The following BFAR variants were observed in gnomAD, a reference collection of about 807,000 sequenced individuals.
BFAR encodes RING finger protein 47.
BFAR carries 52 observed loss-of-function variants against 54.4 expected under a neutral mutation model. The ratio of observed to expected loss-of-function variants is 0.96; its 90% confidence interval spans 0.77 to 1.21. The LOEUF (loss-of-function observed/expected upper bound fraction) is 1.21, where lower values mean the gene tolerates loss of function less well. BFAR is among the 50% of genes most tolerant of loss of function. BFAR has a pLI of 0.00. For synonymous variants in BFAR, 215 were observed against 204.3 expected, an observed-to-expected ratio of 1.05 and a Z score of -0.45; for missense variants, 571 against 534.0, an observed-to-expected ratio of 1.07 and a Z score of -0.68.
chr16:14,657,537 C>G (rs980752358), intron 5 of BFAR, among the ~76,000 whole-genome samples: 1 of 150,012 alleles, frequency 6.7e-6, no homozygotes, highest in Non-Finnish European at 1.5e-5. Context: ...TGTGAGCCAC[C>G]GCGCCTGACC....
At chr16:14,638,805 C>T (rs1959532420) in intron 1 of BFAR, among the ~76,000 whole-genome samples, 2 of 152,036 alleles carry the variant, frequency 1.3e-5, no homozygotes, top group African/African-American at 4.8e-5. Context: ...ATTAGCCAGG[C>T]ATGGTGCTGG....
chr16:14,661,825 G>A, intron 5 of BFAR, 67 bp from the exon 6 acceptor site: 1 of 1,549,222 alleles, frequency 6.5e-7, no homozygotes, highest in South Asian at 1.1e-5. Flanking sequence ...CGAGAGATGG[G>A]AAGGAGCGTG....
At chr16:14,635,882 G>T (rs571618666) in intron 1 of BFAR, among the ~76,000 whole-genome samples, 4 of 151,840 alleles carry the variant, frequency 2.6e-5, no homozygotes, top group African/African-American at 9.7e-5. Context: ...CACCCGCCTC[G>T]GCCTCCCAAA....
chr16:14,633,734 C>G (rs1459226228), intron 1 of BFAR, among the ~76,000 whole-genome samples: 1 of 152,198 alleles, frequency 6.6e-6, no homozygotes, highest in African/African-American at 2.4e-5. Flanking sequence ...CTCACTGCAA[C>G]CTCCGCCTCC....
chr16:14,651,753 T>G (rs772886025), intron 4 of BFAR, among the ~76,000 whole-genome samples: 14 of 151,968 alleles, frequency 9.2e-5, no homozygotes, highest in Non-Finnish European at 1.9e-4. Context: ...ATGTTGTGAT[T>G]ATAGGCATGA....
intron 1 of BFAR, among the ~76,000 whole-genome samples, chr16:14,641,095 GTTT>G (rs1959610454): frequency 6.6e-6 from 1 of 152,152 alleles, no homozygotes; most frequent in Non-Finnish European, 1.5e-5. Flanking sequence ...CTTCCCATTC[GTTT>G]TTGAACTAAG....
chr16:14,658,307 T>C (rs1960186016), intron 5 of BFAR, among the ~76,000 whole-genome samples: 1 of 152,140 alleles, frequency 6.6e-6, no homozygotes, highest in Non-Finnish European at 1.5e-5. Context: ...CACCCCACCC[T>C]AATCTTATTA....
At chr16:14,641,231 C>G (rs1446290794) in intron 1 of BFAR, among the ~76,000 whole-genome samples, 1 of 152,152 alleles carries the variant, frequency 6.6e-6, no homozygotes, top group African/African-American at 2.4e-5. Flanking sequence ...GAATGATTCT[C>G]CTCCCCGCAA....
At chr16:14,644,645 C>T (rs1396345663) in intron 2 of BFAR, 36 bp downstream of exon 2, 1 of 1,569,850 alleles carries the variant, frequency 6.4e-7, no homozygotes, top group Admixed American at 1.8e-5. Flanking sequence ...ACAAACAGCC[C>T]ATAAAATGTG....
chr16:14,639,292 C>T (rs1959549663), intron 1 of BFAR, among the ~76,000 whole-genome samples: 1 of 152,038 alleles, frequency 6.6e-6, no homozygotes, highest in Non-Finnish European at 1.5e-5. Context: ...ATCCCAGCAC[C>T]CCAGAACTAA....
intron 5 of BFAR, among the ~76,000 whole-genome samples, chr16:14,658,301 C>T (rs1175071995): frequency 6.6e-6 from 1 of 152,022 alleles, no homozygotes; most frequent in African/African-American, 2.4e-5. Context: ...GGTGGTCACC[C>T]CACCCTAATC....
chr16:14,655,353 T>C (rs1960100325), intron 5 of BFAR, 143 bp downstream of exon 5: 1 of 778,690 alleles, frequency 1.3e-6, no homozygotes, highest in Non-Finnish European at 1.7e-6. Flanking sequence ...ACAGAGTCCT[T>C]CTCTGTCGCC....
chr16:14,658,796 C>T (rs1596989076), intron 5 of BFAR, among the ~76,000 whole-genome samples: 2 of 152,014 alleles, frequency 1.3e-5, no homozygotes, highest in South Asian at 4.2e-4. Flanking sequence ...TAAGTAACTT[C>T]TTCTTCACTC....
intron 1 of BFAR, among the ~76,000 whole-genome samples, chr16:14,634,102 A>G (rs1244130293): frequency 2.0e-5 from 3 of 152,164 alleles, no homozygotes; most frequent in African/African-American, 4.8e-5. Flanking sequence ...TAAGCCCTCA[A>G]CTGTCGCCAT....
chr16:14,645,854 C>G (rs1959777220), intron 2 of BFAR, among the ~76,000 whole-genome samples: 1 of 152,020 alleles, frequency 6.6e-6, no homozygotes, highest in African/African-American at 2.4e-5. Flanking sequence ...CACACATACA[C>G]ACACATACAT....
intron 1 of BFAR, among the ~76,000 whole-genome samples, chr16:14,637,058 T>A (rs1236509344): frequency 1.3e-5 from 2 of 152,194 alleles, no homozygotes; most frequent in Non-Finnish European, 2.9e-5. Context: ...TGTCTATCTC[T>A]TTCTATACAG....
At chr16:14,637,075 T>C (rs576317552) in intron 1 of BFAR, among the ~76,000 whole-genome samples, 16 of 152,140 alleles carry the variant, frequency 1.1e-4, no homozygotes, top group Admixed American at 4.6e-4. Flanking sequence ...ACAGACACAG[T>C]AACAATCTGA....
At chr16:14,655,375 G>A (rs562230065) in intron 5 of BFAR, among the ~76,000 whole-genome samples, 165 bp downstream of exon 5, 5 of 151,490 alleles carry the variant, frequency 3.3e-5, no homozygotes, top group African/African-American at 1.2e-4. Flanking sequence ...AGGCTGGAGT[G>A]CAATGGCGCA....
intron 4 of BFAR, among the ~76,000 whole-genome samples, chr16:14,652,997 T>C (rs1960018238): frequency 6.6e-6 from 1 of 152,162 alleles, no homozygotes; most frequent in African/African-American, 2.4e-5. Flanking sequence ...TTTGAGGAAA[T>C]GGCATGCTCC....
Sources: gnomAD v4.1 joint callset for allele counts (sites outside exome capture counted in the v4.1 genomes callset) on GRCh38, gnomAD v4.1.1 for gene constraint, MANE v1.5 for transcripts, NCBI Gene and HGNC (gene_info 2026-07-23, HGNC 2026-07-21) for gene names.